P2RX4: variants seen among roughly 807,000 people sequenced by gnomAD.
P2RX4 encodes the protein P2X purinoceptor 4.
Under a neutral mutation model 48.0 loss-of-function variants are expected in P2RX4, and 37 were observed. That is an observed-to-expected ratio of 0.77 (90% CI 0.59 to 1.01). P2RX4 has a LOEUF of 1.01. Among genes scored for constraint, P2RX4 ranks in the 50% least tolerant of loss-of-function variants. The probability of loss-of-function intolerance (pLI) is 0.00; values close to 1 mark genes in which losing one functional copy is unlikely to be tolerated. For missense variants in P2RX4, 501 were observed against 521.4 expected (o/e 0.96, Z 0.38); for synonymous variants, 200 against 199.7 (o/e 1.00, Z -0.01).
At chr12:121,216,900 G>C in intron 1 of P2RX4, 3 of 702,648 alleles carry the variant, frequency 4.3e-6, no homozygotes, top group Admixed American at 4.0e-5. Context: ...TCAGTGTGCT[G>C]AGTGCTTTAC....
At chr12:121,211,884 A>C (rs551473844) in intron 1 of P2RX4, among the ~76,000 whole-genome samples, 1 of 151,892 alleles carries the variant, frequency 6.6e-6, no homozygotes, top group East Asian at 2.0e-4. Flanking sequence ...CATGTTGGCC[A>C]GGCTGGTCTC....
intron 2 of P2RX4, among the ~76,000 whole-genome samples, chr12:121,220,924 C>G (rs1438388818): frequency 6.6e-6 from 1 of 152,128 alleles, no homozygotes; most frequent in Non-Finnish European, 1.5e-5. Flanking sequence ...CACTCAGCAT[C>G]ATGTTTTTGG....
In P2RX4 at chr12:121,222,144, C is replaced by T; in HGVS notation, c.405C>T (p.Gly135=). The T allele has an allele frequency of 1.2e-6, 2 of 1,609,818 alleles. No homozygotes were observed. The highest frequency in any genetic ancestry group is 1.7e-6 in the Non-Finnish European group (2 of 1,176,034). The change falls in exon 4 of 12, where the codon GGC becomes GGT. Residue 135 remains glycine (G), a synonymous_variant. Transcript: ENST00000337233. ...AATCAGATGCCAGCTGTACTGCCGG[C>T]TCTGCCGGCACCCACAGCAACGGTA... ...VCKSDASCTA[G]SAGTHSNGVS...
chr12:121,231,856 T>C (rs2136247778), intron 8 of P2RX4, among the ~76,000 whole-genome samples: 1 of 151,958 alleles, frequency 6.6e-6, no homozygotes, highest in African/African-American at 2.4e-5. Flanking sequence ...AATCCAAAAA[T>C]TAGCTGGGCA....
chr12:121,228,455 G>GTATA (rs373631347), intron 5 of P2RX4, 78 bp from the exon 6 acceptor site: 327 of 659,168 alleles, frequency 5.0e-4, no homozygotes, highest in Non-Finnish European at 6.6e-4. Context: ...ATATATGTGT[G>GTATA]TATATATATA....
chr12:121,215,330 G>A (rs1254689485), intron 1 of P2RX4: 1 of 152,120 alleles, frequency 6.6e-6, no homozygotes, highest in Non-Finnish European at 1.5e-5. Context: ...GAGGCACAAT[G>A]AGGTTAAGCA....
In P2RX4 at chr12:121,217,157, G is replaced by A; in HGVS notation, c.158G>A (p.Gly53Asp). Residue 53 changes from glycine to aspartate, a missense_variant, in exon 2 of 12, where the codon GGC becomes GAC. Physicochemically the swap from Gly to Asp is moderately conservative, Grantham distance 94. Around this residue, in one of 3 missense-constraint regions of P2RX4, gnomAD observed 295 missense variants for 275.3 expected, o/e 1.07. Transcript: ENST00000337233. ...AGGTGGGTGTTTGTGTGGGAAAAGG[G>A]CTACCAGGAAACTGACTCCGTGGTC... ...VIGWVFVWEK[G>D]YQETDSVVSS... 1 of 1,614,202 alleles carries A rather than the reference G, an allele frequency of 6.2e-7. No homozygotes were observed. Among genetic ancestry groups the A allele is most frequent in the Non-Finnish European group, 8.5e-7 (1 of 1,180,020 alleles).
chr12:121,222,271 G>A, intron 4 of P2RX4, 105 bp downstream of exon 4: 1 of 819,672 alleles, frequency 1.2e-6, no homozygotes, highest in Admixed American at 2.0e-5. Context: ...CATGACCCTG[G>A]GTGAGCCAGG....
At chr12:121,219,772 T>C (rs1886476257) in intron 2 of P2RX4, among the ~76,000 whole-genome samples, 1 of 151,420 alleles carries the variant, frequency 6.6e-6, no homozygotes, top group African/African-American at 2.4e-5. Flanking sequence ...ATAGGATAGA[T>C]TAGATAGGTG....
intron 8 of P2RX4, among the ~76,000 whole-genome samples, chr12:121,230,989 T>A (rs1233149605): frequency 2.7e-5 from 4 of 148,148 alleles, no homozygotes; most frequent in African/African-American, 7.3e-5. Context: ...TATATTTTTT[T>A]TTTTTTCTTC....
chr12:121,222,883 A>G, intron 4 of P2RX4, 64 bp from the exon 5 acceptor site: 1 of 1,447,706 alleles, frequency 6.9e-7, no homozygotes, highest in African/African-American at 1.4e-5. Context: ...TCCCTACTCC[A>G]AAAAGGTAGA....
At chr12:121,224,339 T>C (rs970211463) in intron 5 of P2RX4, among the ~76,000 whole-genome samples, 1 of 152,116 alleles carries the variant, frequency 6.6e-6, no homozygotes, top group African/African-American at 2.4e-5. Context: ...GCGCGGTGGC[T>C]CATGCTGTAA....
In P2RX4 at chr12:121,232,258, G is replaced by A. The variant is rs1887412460; in HGVS notation, c.885-156G>A. The A allele has an allele frequency of 1.6e-6, 1 of 624,664 alleles. No individual in the cohort carries two copies. The highest frequency in any genetic ancestry group is 2.9e-6 in the Non-Finnish European group (1 of 350,600). The allele number at this position is 624,664 out of a possible 1,614,324, so 38.7% of individuals were successfully genotyped here. A position where few individuals can be genotyped will look rare whatever the true frequency, so the allele number is the denominator to read the frequency against. ...GGCCCCGCATCCTCCTGCTTGCACA[G>A]CCCGCCTCAGCCAGGAGAGGCCCCG... On this transcript the variant is annotated intron_variant, in intron 8 of 11. Transcript: ENST00000337233. This position sits in a 1 kb window ranked among gnomAD's most constrained non-coding sequence, Gnocchi z 4.3.
At position 121,210,304 on chromosome 12, in the gene P2RX4, C is replaced by A. The variant is rs1412815268; in HGVS notation, c.134+6C>A. 6.6e-7 allele frequency: 1 copy of A among 1,517,536 alleles called. No homozygotes were observed. Among genetic ancestry groups the A allele is most frequent in the African/African-American group, 1.4e-5 (1 of 69,426 alleles). The allele number at this position is 1,517,536 out of a possible 1,614,324, so 94.0% of individuals were successfully genotyped here. ...ATCCTGGCCTACGTCATCGGGTGAG[C>A]GTGGGGCCGCGCGGGGGGCGCGGCG... is the stretch of plus-strand genomic sequence containing the variant. On this transcript the variant is annotated splice_donor_region_variant and intron_variant, in intron 1 of 11. Coordinates refer to ENST00000337233, the MANE Select transcript of P2RX4 (RefSeq NM_002560.3).
chr12:121,232,631 C>G lies in P2RX4; in HGVS notation c.999C>G (p.Ile333Met). 1 of 1,613,940 alleles carries G rather than the reference C, an allele frequency of 6.2e-7. No homozygotes were observed. Among genetic ancestry groups the G allele is most frequent in the Non-Finnish European group, 8.5e-7 (1 of 1,179,806 alleles). ...GGCAGGCAGGGAAATTTGACATCAT[C>G]CCCACTATGATCAACATCGGCTCTG... The part of the protein sequence containing the change: ...VFGKAGKFDI[I>M]PTMINIGSGL... Residue 333 changes from isoleucine to methionine, a missense_variant, in exon 10 of 12, where the codon ATC becomes ATG. By Grantham distance (10) the Ile-to-Met change is conservative. Around this residue, in one of 3 missense-constraint regions of P2RX4, gnomAD observed 197 missense variants for 219.5 expected, o/e 0.90. Coordinates refer to ENST00000337233, the MANE Select transcript of P2RX4 (RefSeq NM_002560.3). This position sits in a 1 kb window ranked among gnomAD's most constrained non-coding sequence, Gnocchi z 4.3.
At chr12:121,228,484 G>A in intron 5 of P2RX4, 49 bp from the exon 6 acceptor site, 1 of 1,117,778 alleles carries the variant, frequency 8.9e-7, no homozygotes, top group Non-Finnish European at 1.3e-6. Flanking sequence ...ATGGTTATGT[G>A]AGTATTTGTA....
Position 121,217,290 on chromosome 12 carries a change from C to G in P2RX4, c.282+9C>G. On this transcript the variant is annotated intron_variant, in intron 2 of 11. Transcript: ENST00000337233. ...ATGTGATACCAGCTCAGGTGTGTCT[C>G]CCACTGTGTCTTCTGTCTAACACTG... 1 of 1,613,496 alleles carries G rather than the reference C, an allele frequency of 6.2e-7. No individual in the cohort carries two copies. Among genetic ancestry groups the G allele is most frequent in the Non-Finnish European group, 8.5e-7 (1 of 1,179,560 alleles).
intron 5 of P2RX4, among the ~76,000 whole-genome samples, chr12:121,225,655 C>G (rs1021925130): frequency 1.3e-5 from 2 of 152,342 alleles, no homozygotes; most frequent in Admixed American, 1.3e-4. Context: ...TCGTGATCCA[C>G]CTGCCTTGGC....
At chr12:121,215,362 G>A (rs774590746) in intron 1 of P2RX4, 3 of 152,028 alleles carry the variant, frequency 2.0e-5, no homozygotes, top group Non-Finnish European at 4.4e-5. Context: ...GTTATGCCTC[G>A]TGAATGGTGG....
Sources: allele counts gnomAD v4.1 joint callset (sites outside exome capture counted in the v4.1 genomes callset), GRCh38; gene constraint gnomAD v4.1.1; regional missense constraint gnomAD v4.1.1; non-coding constraint Gnocchi (gnomAD v3.1); transcripts MANE v1.5; gene names NCBI Gene and HGNC (gene_info 2026-07-23, HGNC 2026-07-21).